Variants in GABBR2 observed in about 807,000 individuals in gnomAD.
The protein encoded by GABBR2 is gamma-aminobutyric acid type B receptor subunit 2, also known as G-protein coupled receptor 51.
Under a neutral mutation model 105.6 loss-of-function variants are expected in GABBR2, and 23 were observed. That is an observed-to-expected ratio of 0.22 (90% CI 0.16 to 0.31). GABBR2 has a LOEUF of 0.31. Ranked by LOEUF, GABBR2 falls within the 10% of genes least tolerant of loss-of-function variation. The pLI is 1.00. For synonymous variants in GABBR2, 478 were observed against 499.7 expected (o/e 0.96, Z 0.58); for missense variants, 734 against 1,245.5 (o/e 0.59, Z 6.18).
intron 13 of GABBR2, among the ~76,000 whole-genome samples, chr9:98,332,476 T>G (rs1403457772): frequency 6.6e-6 from 1 of 152,172 alleles, no homozygotes; most frequent in Admixed American, 6.5e-5. Flanking sequence ...AGGAATGAAC[T>G]TCCCCTATGG....
intron 4 of GABBR2, among the ~76,000 whole-genome samples, chr9:98,485,487 C>T (rs570047377): frequency 3.0e-4 from 43 of 143,930 alleles, no homozygotes; most frequent in African/African-American, 1.1e-3. Flanking sequence ...GAGAGCTAAA[C>T]ACACATACAC....
chr9:98,674,070 G>A (rs1286511298), intron 1 of GABBR2, among the ~76,000 whole-genome samples: 1 of 152,114 alleles, frequency 6.6e-6, no homozygotes, highest in South Asian at 2.1e-4. Flanking sequence ...CAGGCTGTGT[G>A]GTCATTTCTG....
In GABBR2 at chr9:98,577,924, T is replaced by C. The variant is rs932380002; in HGVS notation, c.459+11A>G. 1.9e-6 allele frequency: 3 copies of C among 1,604,816 alleles called. No individual in the cohort carries two copies. Among genetic ancestry groups the C allele is most frequent in the Admixed American group, 1.7e-5 (1 of 58,394 alleles). ...ACACCTCCCCACAAAAGAAGGTAGC[T>C]CAGACCTTACCTGCACCAGATTCCA... On this transcript the variant is annotated intron_variant, in intron 2 of 18. Coordinates refer to ENST00000259455, the MANE Select transcript of GABBR2 (RefSeq NM_005458.8).
At position 98,298,688 on chromosome 9, in the gene GABBR2, C is replaced by T. The variant is rs756233432; in HGVS notation, c.2542+536G>A. Among the ~76,000 whole-genome samples the T allele has an allele frequency of 5.9e-5, 9 of 152,194 alleles. No homozygotes were observed. The South Asian group carries it at 1.0e-3, about 18-fold the overall frequency. Reference sequence around the variant, plus strand: ...TCCAGGCTGATCTCAAATTCCTGGACTCAAAGAGATTCTCTAGCCTTGGCC... The same window carrying T: ...TCCAGGCTGATCTCAAATTCCTGGATTCAAAGAGATTCTCTAGCCTTGGCC... On this transcript the variant is annotated intron_variant, in intron 17 of 18. Coordinates refer to ENST00000259455, the MANE Select transcript of GABBR2 (RefSeq NM_005458.8).
At chr9:98,573,758 C>T (rs1828869821) in intron 2 of GABBR2, among the ~76,000 whole-genome samples, 2 of 152,186 alleles carry the variant, frequency 1.3e-5, no homozygotes, top group Admixed American at 6.5e-5. Context: ...CACTGTTAGT[C>T]TCCTAAGAAG....
At chr9:98,505,177 G>A (rs1335976545) in intron 3 of GABBR2, among the ~76,000 whole-genome samples, 1 of 152,248 alleles carries the variant, frequency 6.6e-6, no homozygotes, top group Non-Finnish European at 1.5e-5. Flanking sequence ...ACTTATCCAT[G>A]TGGTGTATTT....
chr9:98,591,375 C>T (rs896386820), intron 1 of GABBR2, among the ~76,000 whole-genome samples: 4 of 152,218 alleles, frequency 2.6e-5, no homozygotes, highest in African/African-American at 7.2e-5. Flanking sequence ...GCCAGTGCGT[C>T]GGGAACACTG....
intron 7 of GABBR2, among the ~76,000 whole-genome samples, chr9:98,444,087 A>C (rs1401428398): frequency 2.0e-5 from 3 of 152,182 alleles, no homozygotes; most frequent in Admixed American, 1.3e-4. Flanking sequence ...AAATCATTGA[A>C]CTTTGCTGAG....
chr9:98,660,261 G>T (rs1239693935), intron 1 of GABBR2, among the ~76,000 whole-genome samples: 1 of 152,134 alleles, frequency 6.6e-6, no homozygotes, highest in Admixed American at 6.5e-5. Context: ...AGAAGATACA[G>T]GTTTTAAAGT....
chr9:98,483,023 C>G (rs997660175), intron 4 of GABBR2, among the ~76,000 whole-genome samples: 2 of 152,142 alleles, frequency 1.3e-5, no homozygotes. Flanking sequence ...ATCTCTCCCC[C>G]CAGCCTCAGA....
chr9:98,446,377 G>A (rs1826130139), intron 7 of GABBR2, among the ~76,000 whole-genome samples: 1 of 152,184 alleles, frequency 6.6e-6, no homozygotes, highest in African/African-American at 2.4e-5. Context: ...TACAAATGAG[G>A]AAACTGAGGC....
chr9:98,338,722 T>C (rs1417373958), intron 13 of GABBR2, among the ~76,000 whole-genome samples: 1 of 152,180 alleles, frequency 6.6e-6, no homozygotes, highest in African/African-American at 2.4e-5. Context: ...TGGCCGTTCC[T>C]AAAAATGTTA....
chr9:98,562,151 C>G (rs1181881606), intron 2 of GABBR2, among the ~76,000 whole-genome samples: 1 of 152,044 alleles, frequency 6.6e-6, no homozygotes, highest in Non-Finnish European at 1.5e-5. Context: ...TCCTGGGCCC[C>G]CTGACTCGAT....
At chr9:98,503,857 T>G (rs1827452084) in intron 3 of GABBR2, among the ~76,000 whole-genome samples, 1 of 152,154 alleles carries the variant, frequency 6.6e-6, no homozygotes, top group South Asian at 2.1e-4. Context: ...TAGAAACTGC[T>G]GATGCCCTAA....
intron 13 of GABBR2, among the ~76,000 whole-genome samples, chr9:98,342,350 AG>A (rs1051278081): frequency 1.3e-5 from 2 of 152,146 alleles, no homozygotes; most frequent in African/African-American, 4.8e-5. Flanking sequence ...GCTGAGCACA[AG>A]GAACAAGGAA....
intron 3 of GABBR2, among the ~76,000 whole-genome samples, chr9:98,505,952 C>A (rs1381616511): frequency 1.3e-5 from 2 of 152,178 alleles, no homozygotes; most frequent in Non-Finnish European, 2.9e-5. Flanking sequence ...ACACCTGGGG[C>A]AGGTTCCCAT....
At position 98,637,301 on chromosome 9, in the gene GABBR2, C is replaced by T. The variant is rs1055800890; in HGVS notation, c.322-59229G>A. Among the ~76,000 whole-genome samples the T allele has an allele frequency of 5.9e-5, 9 of 152,282 alleles. No individual in the cohort carries two copies. The East Asian group carries it at 1.3e-3, about 23-fold the overall frequency. On this transcript the variant is annotated intron_variant, in intron 1 of 18. Coordinates refer to ENST00000259455, the MANE Select transcript of GABBR2 (RefSeq NM_005458.8). ...TGGCTACTTTGGGAACCTTTAACAT[C>T]CCCCTCCCCAAGCCCTTTCTTGTGT...
intron 1 of GABBR2, among the ~76,000 whole-genome samples, chr9:98,638,517 T>C (rs2131834321): frequency 6.6e-6 from 1 of 152,132 alleles, no homozygotes; most frequent in East Asian, 1.9e-4. Context: ...TTAAGATAAA[T>C]ATTAAAAGTT....
intron 10 of GABBR2, among the ~76,000 whole-genome samples, chr9:98,386,269 A>G (rs972755237): frequency 6.1e-4 from 90 of 147,344 alleles, no homozygotes; most frequent in Admixed American, 3.4e-4. Flanking sequence ...AGAGAATGTG[A>G]CATGTAACTT....
Sources: gnomAD v4.1 joint callset for allele counts (sites outside exome capture counted in the v4.1 genomes callset) on GRCh38, gnomAD v4.1.1 for gene constraint, MANE v1.5 for transcripts, NCBI Gene and HGNC (gene_info 2026-07-23, HGNC 2026-07-21) for gene names.